ADGRD1: variants seen among roughly 807,000 people sequenced by gnomAD.
The protein encoded by ADGRD1 is G-protein coupled receptor 133.
Under a neutral mutation model 113.4 loss-of-function variants are expected in ADGRD1, and 77 were observed. That is an observed-to-expected ratio of 0.68 (90% CI 0.57 to 0.82). The LOEUF (loss-of-function observed/expected upper bound fraction) is 0.82, where lower values mean the gene tolerates loss of function less well. Among genes scored for constraint, ADGRD1 ranks in the 40% least tolerant of loss-of-function variants. The probability of loss-of-function intolerance (pLI) is 0.00; values close to 1 mark genes in which losing one functional copy is unlikely to be tolerated. For synonymous variants in ADGRD1, 474 were observed against 475.0 expected (o/e 1.00, Z 0.03); for missense variants, 1,036 against 1,139.1 (o/e 0.91, Z 1.30).
intron 5 of ADGRD1, among the ~76,000 whole-genome samples, chr12:130,983,707 G>A (rs1349448518): frequency 3.9e-5 from 6 of 152,166 alleles, no homozygotes; most frequent in East Asian, 1.9e-4. Context: ...GGGTCCAAGC[G>A]TGCTCCAGAG....
chr12:131,098,172 A>ACCGCCTTCTCCCACCTCTCCTGTG (rs1391426237), intron 15 of ADGRD1, among the ~76,000 whole-genome samples: 1 of 120,216 alleles, frequency 8.3e-6, no homozygotes, highest in Admixed American at 9.6e-5. Context: ...CTTCTCCCGC[A>ACCGCCTTCTCCCACCTCTCCTGTG]GTGGCTGCTG....
intron 13 of ADGRD1, among the ~76,000 whole-genome samples, chr12:131,031,622 C>T (rs1271618551): frequency 2.0e-5 from 3 of 152,242 alleles, no homozygotes; most frequent in Admixed American, 6.5e-5. Flanking sequence ...ACCTGCCCCT[C>T]CCCTTGAGGC....
At position 131,014,241 on chromosome 12, in the gene ADGRD1, C is replaced by T; in HGVS notation, c.1374C>T (p.Ala458=). The change falls in exon 13 of 25, where the codon GCC becomes GCT. Residue 458 remains alanine, a synonymous_variant. Transcript: ENST00000261654. ...ATCACCAGGACTGCCTGCTGTTCGC[C>T]ACCAGCCACCTGATTTCCCTGGAGG... ...AMHHQDCLLF[A]TSHLISLEVS... is the part of the protein sequence containing the mutation. 2 of 1,614,190 alleles carry T rather than the reference C, an allele frequency of 1.2e-6. No homozygotes were observed. The highest frequency in any genetic ancestry group is 1.7e-6 in the Non-Finnish European group (2 of 1,180,002).
rs550360598 is a variant in ADGRD1, at chr12:131,057,140, G to A, written c.1474-19661G>A. ...CTTGGGTGTAATTTTTGAAGTGGAGGAAATTGTTGCAGGAAATAATCACAG... is the reference window on the plus strand; with the variant it reads ...CTTGGGTGTAATTTTTGAAGTGGAGAAAATTGTTGCAGGAAATAATCACAG... On this transcript the variant is annotated intron_variant, in intron 13 of 24. Coordinates refer to ENST00000261654, the MANE Select transcript of ADGRD1 (RefSeq NM_198827.5). This position sits in a 1 kb window ranked among gnomAD's most constrained non-coding sequence, Gnocchi z 4.2. 2.0e-4 allele frequency among the ~76,000 whole-genome samples: 31 copies of A among 152,194 alleles called. No homozygotes were observed. Among genetic ancestry groups the A allele is most frequent in the Non-Finnish European group, 4.4e-4 (30 of 68,038 alleles).
In ADGRD1 at chr12:131,008,389, C is replaced by T. The variant is rs115194713; in HGVS notation, c.1331+2342C>T. The stretch of plus-strand genomic sequence containing the variant: ...ATTGTGTGCTGTCATCCTCATACAT[C>T]CGCAGTGTGTTGTGAGGATGAAAGG... On this transcript the variant is annotated intron_variant, in intron 12 of 24. Coordinates refer to ENST00000261654, the MANE Select transcript of ADGRD1 (RefSeq NM_198827.5). 1.5e-3 allele frequency among the ~76,000 whole-genome samples: 228 copies of T among 152,346 alleles called. 1 individual carries two copies. Among genetic ancestry groups the T allele is most frequent in the African/African-American group, 4.9e-3 (202 of 41,580 alleles).
intron 13 of ADGRD1, among the ~76,000 whole-genome samples, chr12:131,065,234 G>A (rs985484722): frequency 2.0e-5 from 3 of 152,238 alleles, no homozygotes; most frequent in Non-Finnish European, 4.4e-5. Context: ...CTCAGTAGAG[G>A]TGAGAGAAAA....
chr12:131,100,973 G>A (rs1037965231), intron 15 of ADGRD1, among the ~76,000 whole-genome samples: 1 of 152,180 alleles, frequency 6.6e-6, no homozygotes, highest in Non-Finnish European at 1.5e-5. Context: ...CTCCCCTGAC[G>A]CCTTCAGCAA....
intron 12 of ADGRD1, among the ~76,000 whole-genome samples, chr12:131,010,177 CAG>C (rs1877694849): frequency 6.6e-6 from 1 of 152,228 alleles, no homozygotes; most frequent in South Asian, 2.1e-4. Context: ...AGATCACACT[CAG>C]AGATGCTGCC....
At chr12:130,962,980 T>C (rs1433692936) in intron 2 of ADGRD1, 1 of 152,174 alleles carries the variant, frequency 6.6e-6, no homozygotes, top group African/African-American at 2.4e-5. Flanking sequence ...GGCACTTCAA[T>C]TGTGAAAGCA....
At chr12:130,997,649 G>A (rs1260653582) in intron 8 of ADGRD1, among the ~76,000 whole-genome samples, 2 of 151,596 alleles carry the variant, frequency 1.3e-5, no homozygotes, top group Admixed American at 6.6e-5. Context: ...ATGGGATGGC[G>A]GCCGGGAAGA....
chr12:130,971,459 T>C lies in ADGRD1; in HGVS notation c.189T>C (p.Asp63=). The part of the protein sequence containing the change: ...GIHELQDTTG[D]IVEGKVNKGI... ...GATGTTGTCATTTTTCTTCCTTAGA[T>C]ATTGTGGAAGGGAAGGTCAACAAAG... Residue 63 remains aspartate, a splice_region_variant and synonymous_variant, in exon 4 of 25, where the codon GAT becomes GAC. Coordinates refer to ENST00000261654, the MANE Select transcript of ADGRD1 (RefSeq NM_198827.5). The surrounding 1 kb of genome is among the most constrained non-coding windows in gnomAD (Gnocchi z 4.2). 1 of 1,613,158 alleles carries C rather than the reference T, an allele frequency of 6.2e-7. No homozygotes were observed. The highest frequency in any genetic ancestry group is 8.5e-7 in the Non-Finnish European group (1 of 1,179,386).
intron 13 of ADGRD1, among the ~76,000 whole-genome samples, chr12:131,014,578 G>A (rs1248952587): frequency 6.6e-6 from 1 of 152,182 alleles, no homozygotes; most frequent in East Asian, 1.9e-4. Context: ...AAGAGGCGTC[G>A]AGGTGGCTCT....
intron 15 of ADGRD1, among the ~76,000 whole-genome samples, chr12:131,100,298 G>C (rs1950040603): frequency 6.6e-6 from 1 of 151,384 alleles, no homozygotes; most frequent in African/African-American, 2.4e-5. Context: ...GGTGGAATTG[G>C]CTGGTAGATT....
chr12:131,082,669 C>G (rs942425103), intron 14 of ADGRD1, among the ~76,000 whole-genome samples: 1 of 152,142 alleles, frequency 6.6e-6, no homozygotes, highest in Non-Finnish European at 1.5e-5. Context: ...TTTTTGCTGA[C>G]TCCCTCCAAG....
At chr12:131,131,656 A>C in intron 20 of ADGRD1, 69 bp from the exon 21 acceptor site, 1 of 1,104,318 alleles carries the variant, frequency 9.1e-7, no homozygotes, top group East Asian at 2.5e-5. Context: ...GGCAGTGGCC[A>C]GGCGGACGCA....
At chr12:131,015,233 A>G (rs544436576) in intron 13 of ADGRD1, among the ~76,000 whole-genome samples, 2 of 152,364 alleles carry the variant, frequency 1.3e-5, no homozygotes, top group Non-Finnish European at 2.9e-5. Flanking sequence ...AGGGGCCCAC[A>G]CACTTGTGCT....
chr12:131,037,686 T>TACTCATTGCACTGGGTCTC (rs1881661156), intron 13 of ADGRD1, among the ~76,000 whole-genome samples: 2 of 36,384 alleles, frequency 5.5e-5, no homozygotes, highest in Admixed American at 5.2e-4. Context: ...CACTGGGTCT[T>TACTCATTGCACTGGGTCTC]ACTCATTGCA....
Position 131,075,242 on chromosome 12 carries a change from C to T in ADGRD1, c.1474-1559C>T, listed in dbSNP as rs1885501049. 6.6e-6 allele frequency among the ~76,000 whole-genome samples: 1 copy of T among 152,178 alleles called. No individual in the cohort carries two copies. Among genetic ancestry groups the T allele is most frequent in the African/African-American group, 2.4e-5 (1 of 41,442 alleles). Reference sequence around the variant, plus strand: ...CTGGAGGCTTTGGCCCTGGTGTAGCCTGGGCCCAAGGAAGCCTCATTACAC... The same window carrying T: ...CTGGAGGCTTTGGCCCTGGTGTAGCTTGGGCCCAAGGAAGCCTCATTACAC... On this transcript the variant is annotated intron_variant, in intron 13 of 24. Transcript: ENST00000261654. This position sits in a 1 kb window ranked among gnomAD's most constrained non-coding sequence, Gnocchi z 5.3.
intron 13 of ADGRD1, among the ~76,000 whole-genome samples, chr12:131,037,305 G>A (rs1593092372): frequency 2.1e-5 from 3 of 141,230 alleles, no homozygotes; most frequent in African/African-American, 8.1e-5. Flanking sequence ...ACTGCACCAG[G>A]ATCTTACTCA....
Sources: allele counts gnomAD v4.1 joint callset (sites outside exome capture counted in the v4.1 genomes callset), GRCh38; gene constraint gnomAD v4.1.1; non-coding constraint Gnocchi (gnomAD v3.1); transcripts MANE v1.5; gene names NCBI Gene and HGNC (gene_info 2026-07-23, HGNC 2026-07-21).